The following GPLD1 variants were observed in gnomAD, a reference collection of about 807,000 sequenced individuals.
GPLD1 encodes the protein phosphatidylinositol-glycan-specific phospholipase D.
In GPLD1, 84 loss-of-function variants were observed where a neutral mutation model predicts 112.6. The ratio of observed to expected loss-of-function variants is 0.75; its 90% CI spans 0.63 to 0.89. GPLD1 has a LOEUF of 0.89. Among genes scored for constraint, GPLD1 ranks in the 40% least tolerant of loss-of-function variants. The pLI is 0.00. For missense variants in GPLD1, 1,044 were observed against 1,051.5 expected (o/e 0.99, Z 0.10); for synonymous variants, 386 against 403.8 (o/e 0.96, Z 0.53).
Position 24,474,154 on chromosome 6 carries a change from C to A in GPLD1, c.442-487G>T, listed in dbSNP as rs560810918. On this transcript the variant is annotated intron_variant, in intron 5 of 24. Coordinates refer to ENST00000230036, the MANE Select transcript of GPLD1 (RefSeq NM_001503.4). ...AAACAAACAAACAAAAAAACAACAA[C>A]AAAAAAAACCACACCCACATACACA... Among the ~76,000 whole-genome samples the A allele has an allele frequency of 4.6e-5, 6 of 131,798 alleles. No individual in the cohort carries two copies. The East Asian group carries it at 6.3e-4, about 14-fold the overall frequency. 86.5% of individuals were successfully genotyped at this position (131,798 alleles called of 152,430 possible).
chr6:24,477,030 AAAATGATTTTC>A (rs1358273892), intron 3 of GPLD1, among the ~76,000 whole-genome samples: 2 of 151,934 alleles, frequency 1.3e-5, no homozygotes, highest in Admixed American at 1.3e-4. Context: ...GTTTTTTTTC[AAAATGATTTTC>A]AAAGGAGTTA....
intron 24 of GPLD1, among the ~76,000 whole-genome samples, chr6:24,431,862 C>T (rs977860403): frequency 6.6e-6 from 1 of 152,046 alleles, no homozygotes; most frequent in African/African-American, 2.4e-5. Flanking sequence ...TCTGCCATAT[C>T]GAAATTTAAA....
At chr6:24,429,946 G>C (rs1762351571) in intron 24 of GPLD1, among the ~76,000 whole-genome samples, 1 of 152,218 alleles carries the variant, frequency 6.6e-6, no homozygotes, top group Admixed American at 6.5e-5. Context: ...TGGCACATGA[G>C]GTACGGGTGA....
intron 11 of GPLD1, among the ~76,000 whole-genome samples, chr6:24,461,124 G>T (rs1763419191): frequency 6.6e-6 from 1 of 152,010 alleles, no homozygotes. Flanking sequence ...ATGTCAACCA[G>T]CCAAAAAGCA....
intron 10 of GPLD1, among the ~76,000 whole-genome samples, chr6:24,466,301 T>C (rs1763609398): frequency 6.6e-6 from 1 of 152,176 alleles, no homozygotes; most frequent in African/African-American, 2.4e-5. Flanking sequence ...GAAGCCGAGA[T>C]CGTGCCACTG....
intron 15 of GPLD1, 49 bp from the exon 16 acceptor site, chr6:24,448,257 A>C: frequency 8.1e-7 from 1 of 1,239,264 alleles, no homozygotes; most frequent in Non-Finnish European, 1.2e-6. Context: ...GTGGTGACCC[A>C]AGAACCTTAA....
At chr6:24,432,794 G>A (rs1270597509) in intron 24 of GPLD1, among the ~76,000 whole-genome samples, 1 of 152,194 alleles carries the variant, frequency 6.6e-6, no homozygotes, top group Non-Finnish European at 1.5e-5. Flanking sequence ...GCAGCCACGC[G>A]CAGTCCACAG....
In GPLD1 at chr6:24,460,323, A is replaced by T. The variant is rs746046722; in HGVS notation, c.964T>A (p.Tyr322Asn). 7 of 1,613,360 alleles carry T rather than the reference A, an allele frequency of 4.3e-6. No individual in the cohort carries two copies. In the South Asian group the frequency reaches 5.5e-5, roughly 13 times the overall value. The change falls in exon 12 of 25, where the codon TAT becomes AAT. Residue 322 changes from tyrosine (Y) to asparagine (N), a missense_variant. Tyr to Asn is a moderately radical substitution (Grantham distance 143). Coordinates refer to ENST00000230036, the MANE Select transcript of GPLD1 (RefSeq NM_001503.4). ...LTESVDRNIN[Y>N]TERGVFFSVN... ...CTAAAGAACACTCCTCTTTCAGTAT[A>T]GTTTATATTCCTGTCAACACTTTCA...
upstream of GPLD1, among the ~76,000 whole-genome samples, chr6:24,492,543 G>T (rs982334222): frequency 6.9e-6 from 1 of 143,906 alleles, no homozygotes; most frequent in Non-Finnish European, 1.5e-5. Context: ...AGAAAAAAAA[G>T]AAAAAGAAAA....
chr6:24,475,714 C>T (rs1381584629), intron 4 of GPLD1, among the ~76,000 whole-genome samples: 48 of 147,950 alleles, frequency 3.2e-4, no homozygotes, highest in Admixed American at 6.0e-4. Flanking sequence ...AAAAATTAGC[C>T]GGGCGTGGTG....
chr6:24,467,990 T>A (rs1763674004), intron 7 of GPLD1, among the ~76,000 whole-genome samples: 1 of 151,708 alleles, frequency 6.6e-6, no homozygotes, highest in Non-Finnish European at 1.5e-5. Context: ...CACCGCAACC[T>A]CCGCCTCCCG....
intron 6 of GPLD1, among the ~76,000 whole-genome samples, chr6:24,472,925 G>A (rs896771757): frequency 2.6e-5 from 4 of 151,904 alleles, no homozygotes; most frequent in South Asian, 2.1e-4. Context: ...ACAGGCATGC[G>A]CCACCACGCC....
chr6:24,483,235 C>G (rs929081505), intron 2 of GPLD1, among the ~76,000 whole-genome samples: 30 of 149,114 alleles, frequency 2.0e-4, no homozygotes, highest in African/African-American at 7.2e-4. Flanking sequence ...GGCTGAGTCA[C>G]AAGAATAATT....
Position 24,447,884 on chromosome 6 carries a change from G to C in GPLD1, c.1671C>G (p.Ser557Arg), listed in dbSNP as rs182405601. The C allele has an allele frequency of 1.2e-6, 2 of 1,613,800 alleles. No individual in the cohort carries two copies. The highest frequency in any genetic ancestry group is 8.5e-7 in the Non-Finnish European group (1 of 1,179,944). ...TTCCCCCTCAGGCACTACCTTTGTCGCTCAGGCTGGGGCCAGAATAAAACG... is the reference window on the plus strand; with the variant it reads ...TTCCCCCTCAGGCACTACCTTTGTCCCTCAGGCTGGGGCCAGAATAAAACG... ...VAAFYSGPSL[S>R]DKEKLNVEAA... Residue 557 changes from serine to arginine, a missense_variant, in exon 17 of 25, where the codon AGC (serine) becomes AGG (arginine). Transcript: ENST00000230036.
chr6:24,432,173 G>A (rs1333949215), intron 24 of GPLD1, among the ~76,000 whole-genome samples: 2 of 150,810 alleles, frequency 1.3e-5, no homozygotes, highest in Non-Finnish European at 2.9e-5. Context: ...CTTGAGTCCA[G>A]GAGACAGAGG....
At chr6:24,441,017 T>C (rs748459048) in intron 20 of GPLD1, among the ~76,000 whole-genome samples, 9 of 152,034 alleles carry the variant, frequency 5.9e-5, no homozygotes, top group Non-Finnish European at 7.4e-5. Context: ...TAAAATGGTA[T>C]AGTGACTGGG....
chr6:24,489,379 G>T, intron 1 of GPLD1, 36 bp downstream of exon 1: 2 of 1,367,038 alleles, frequency 1.5e-6, no homozygotes, highest in African/African-American at 1.4e-5. Flanking sequence ...CAGATGTATT[G>T]TCCTCTCAAC....
At chr6:24,465,834 C>T (rs1445756187) in intron 10 of GPLD1, among the ~76,000 whole-genome samples, 1 of 152,186 alleles carries the variant, frequency 6.6e-6, no homozygotes, top group Non-Finnish European at 1.5e-5. Context: ...TTTACAAATG[C>T]ATTTATTTCT....
At chr6:24,439,319 A>C (rs1581734335) in intron 20 of GPLD1, among the ~76,000 whole-genome samples, 1 of 92,732 alleles carries the variant, frequency 1.1e-5, no homozygotes, top group Non-Finnish European at 2.6e-5. Context: ...AAGAATTAGA[A>C]AGCCTGAATA....
Sources: allele counts gnomAD v4.1 joint callset (sites outside exome capture counted in the v4.1 genomes callset), GRCh38; gene constraint gnomAD v4.1.1; transcripts MANE v1.5; gene names NCBI Gene and HGNC (gene_info 2026-07-23, HGNC 2026-07-21).